The following GALNT18 variants were observed in gnomAD, a reference collection of about 807,000 sequenced individuals.
The protein encoded by GALNT18 is polypeptide N-acetylgalactosaminyltransferase 18.
GALNT18 carries 44 observed loss-of-function variants against 69.5 expected under a neutral mutation model. That is an observed-to-expected ratio of 0.63 (90% CI 0.50 to 0.81). The LOEUF (loss-of-function observed/expected upper bound fraction) is 0.81. Ranked by LOEUF, GALNT18 falls within the 40% of genes least tolerant of loss-of-function variation. GALNT18 has a pLI of 0.00. For synonymous variants in GALNT18, 364 were observed against 318.2 expected (o/e 1.14, Z -1.53); for missense variants, 715 against 810.0 (o/e 0.88, Z 1.42).
At chr11:11,567,754 C>T (rs544102844) in intron 1 of GALNT18, among the ~76,000 whole-genome samples, 62 of 152,356 alleles carry the variant, frequency 4.1e-4, no homozygotes, top group African/African-American at 1.4e-3. Flanking sequence ...ATCTGACTTT[C>T]TCAATGTCTC....
chr11:11,597,988 T>TC (rs143090536), intron 1 of GALNT18, among the ~76,000 whole-genome samples: 1,883 of 152,264 alleles, frequency 0.012, 47 homozygotes, highest in African/African-American at 0.043. Context: ...TTTGCCTTTG[T>TC]CAGTCTATCT....
intron 1 of GALNT18, among the ~76,000 whole-genome samples, chr11:11,464,994 G>A (rs1359911852): frequency 2.0e-5 from 3 of 152,150 alleles, no homozygotes; most frequent in African/African-American, 7.2e-5. Context: ...ATGGAATTAC[G>A]AGCAGTGGGG....
At chr11:11,342,065 C>T (rs1057298663) in intron 6 of GALNT18, among the ~76,000 whole-genome samples, 1 of 152,064 alleles carries the variant, frequency 6.6e-6, no homozygotes, top group Non-Finnish European at 1.5e-5. Context: ...CTCCTCTGGC[C>T]CCCACAGCCC....
chr11:11,446,719 C>T (rs573590306), intron 2 of GALNT18, among the ~76,000 whole-genome samples: 4 of 152,334 alleles, frequency 2.6e-5, no homozygotes, highest in South Asian at 4.1e-4. Context: ...CCCAGCCTTG[C>T]CCCCTCGGTC....
intron 10 of GALNT18, among the ~76,000 whole-genome samples, chr11:11,281,874 G>T (rs1032463307): frequency 6.6e-6 from 1 of 151,986 alleles, no homozygotes; most frequent in East Asian, 1.9e-4. Flanking sequence ...CTGTCAGGGA[G>T]GGTGGAGTAT....
chr11:11,595,358 G>A lies in GALNT18; in HGVS notation c.235+26001C>T, dbSNP rs191798562. ...TGAGGACACAGCAAGAAGTCAGGAG[G>A]CTGCAACCCAGAAGAGAGACTTCAC... On this transcript the variant is annotated intron_variant, in intron 1 of 10. Coordinates refer to ENST00000227756, the MANE Select transcript of GALNT18 (RefSeq NM_198516.3). This position sits in a 1 kb window ranked among gnomAD's most constrained non-coding sequence, Gnocchi z 5.2. Among the ~76,000 whole-genome samples the A allele has an allele frequency of 6.6e-6, 1 of 152,218 alleles. No homozygotes were observed. Among genetic ancestry groups the A allele is most frequent in the African/African-American group, 2.4e-5 (1 of 41,548 alleles).
chr11:11,530,297 C>G (rs2133940966), intron 1 of GALNT18, among the ~76,000 whole-genome samples: 1 of 152,338 alleles, frequency 6.6e-6, no homozygotes, highest in East Asian at 1.9e-4. Context: ...CAAATGCCCT[C>G]TGTCCACAGC....
chr11:11,400,555 T>C (rs1854437233), intron 3 of GALNT18, among the ~76,000 whole-genome samples: 1 of 152,190 alleles, frequency 6.6e-6, no homozygotes, highest in South Asian at 2.1e-4. Context: ...CAGAAATTTA[T>C]TTCTCACAGT....
At position 11,598,159 on chromosome 11, in the gene GALNT18, T is replaced by C. The variant is rs980362559; in HGVS notation, c.235+23200A>G. Among the ~76,000 whole-genome samples, 18 of 152,166 alleles carry C rather than the reference T, an allele frequency of 1.2e-4. No individual in the cohort carries two copies. The highest frequency in any genetic ancestry group is 3.9e-4 in the African/African-American group (16 of 41,540). On this transcript the variant is annotated intron_variant, in intron 1 of 10. Transcript: ENST00000227756. This position sits in a 1 kb window ranked among gnomAD's most constrained non-coding sequence, Gnocchi z 4.8. The stretch of plus-strand genomic sequence containing the variant: ...CTCTTCTTTTTGCAGTTTCTTAAGG[T>C]TGCAGTAATCTATAACAAATTACTA...
intron 3 of GALNT18, among the ~76,000 whole-genome samples, chr11:11,428,645 G>A (rs544834143): frequency 6.6e-6 from 1 of 152,314 alleles, no homozygotes; most frequent in South Asian, 2.1e-4. Flanking sequence ...GGCCTCAGGT[G>A]CCCACCTCCC....
rs1033400343 is a variant in GALNT18, at chr11:11,603,420, G to T, written c.235+17939C>A. Among the ~76,000 whole-genome samples the T allele has an allele frequency of 1.3e-5, 2 of 152,106 alleles. No individual in the cohort carries two copies. The highest frequency in any genetic ancestry group is 4.8e-5 in the African/African-American group (2 of 41,406). On this transcript the variant is annotated intron_variant, in intron 1 of 10. Coordinates refer to ENST00000227756, the MANE Select transcript of GALNT18 (RefSeq NM_198516.3). The surrounding 1 kb of genome is among the most constrained non-coding windows in gnomAD (Gnocchi z 4.5). ...CTGCCAAAGGTGGGGGAATGTATAG[G>T]GCTTTCTCTGAGACTTCATTCCCAT...
chr11:11,271,352 GC>G, intron 10 of GALNT18, 62 bp from the exon 11 acceptor site: 1 of 1,559,482 alleles, frequency 6.4e-7, no homozygotes, highest in South Asian at 1.1e-5. Flanking sequence ...AAATTCGGGA[GC>G]CTCAGGCCAA....
rs185542290 is a variant in GALNT18 at position 11,536,122 on chromosome 11, A to C, written c.235+85237T>G. On this transcript the variant is annotated intron_variant, in intron 1 of 10. Transcript: ENST00000227756. ...GACTATAGTTTTAAGGGGCCTGTACAGGAAATGACATGAAATTATCAAGAC... is the reference window on the plus strand; with the variant it reads ...GACTATAGTTTTAAGGGGCCTGTACCGGAAATGACATGAAATTATCAAGAC... Among the ~76,000 whole-genome samples the C allele has an allele frequency of 2.4e-4, 36 of 152,356 alleles. No individual in the cohort carries two copies. The Middle Eastern group carries it at 0.014, about 58-fold the overall frequency.
rs771342075 is a variant in GALNT18 at position 11,341,745 on chromosome 11, T to C, written c.1093-741A>G. Among the ~76,000 whole-genome samples the C allele has an allele frequency of 1.3e-5, 2 of 152,164 alleles. No individual in the cohort carries two copies. The highest frequency in any genetic ancestry group is 2.9e-5 in the Non-Finnish European group (2 of 68,028). Reference sequence around the variant, plus strand: ...CTGAACTTGCACTCTTTTGTGCTTCTAGGCTTTGCTCCATTCTGCTGGTAA... The same window carrying C: ...CTGAACTTGCACTCTTTTGTGCTTCCAGGCTTTGCTCCATTCTGCTGGTAA... On this transcript the variant is annotated intron_variant, in intron 6 of 10. Coordinates refer to ENST00000227756, the MANE Select transcript of GALNT18 (RefSeq NM_198516.3). This position sits in a 1 kb window ranked among gnomAD's most constrained non-coding sequence, Gnocchi z 6.3.
At chr11:11,484,545 A>G (rs2133874682) in intron 1 of GALNT18, among the ~76,000 whole-genome samples, 1 of 148,170 alleles carries the variant, frequency 6.7e-6, no homozygotes, top group East Asian at 2.0e-4. Flanking sequence ...GTGAGCCGAG[A>G]TCACGCCATT....
chr11:11,271,229 A>C lies in GALNT18; in HGVS notation c.1739T>G (p.Leu580Arg). The change falls in exon 11 of 11, where the codon CTG (leucine) becomes CGG (arginine). Residue 580 changes from leucine (L) to arginine (R), a missense_variant. Physicochemically the swap from Leu to Arg is moderately radical, Grantham distance 102. Transcript: ENST00000227756. ...CAACACCAGCTGGAAGCCGAACTCC[A>C]GGTCGCTATTCTCCTGCAGCTCCAG... ...RCLELQENSD[L>R]EFGFQLVLQK... is the part of the protein sequence containing the mutation. The C allele has an allele frequency of 6.2e-7, 1 of 1,614,148 alleles. No individual in the cohort carries two copies. Among genetic ancestry groups the C allele is most frequent in the South Asian group, 1.1e-5 (1 of 91,084 alleles).
intron 3 of GALNT18, among the ~76,000 whole-genome samples, chr11:11,428,122 C>G (rs1041652329): frequency 6.6e-6 from 1 of 152,236 alleles, no homozygotes; most frequent in Non-Finnish European, 1.5e-5. Flanking sequence ...CTGAGTTGGC[C>G]TGATTTGAAA....
chr11:11,369,602 C>A (rs1331861481), intron 6 of GALNT18, among the ~76,000 whole-genome samples: 1 of 152,150 alleles, frequency 6.6e-6, no homozygotes, highest in Middle Eastern at 3.2e-3. Flanking sequence ...GCTGGGGGCA[C>A]TCAATTCAAA....
intron 1 of GALNT18, among the ~76,000 whole-genome samples, chr11:11,599,144 T>C (rs72853871): frequency 0.025 from 3,806 of 152,276 alleles, 79 homozygotes; most frequent in Middle Eastern, 0.041. Flanking sequence ...TTCTATATCA[T>C]CATTAGTACA....
Sources: gnomAD v4.1 joint callset for allele counts (sites outside exome capture counted in the v4.1 genomes callset) on GRCh38, gnomAD v4.1.1 for gene constraint, Gnocchi (gnomAD v3.1) non-coding constraint, MANE v1.5 for transcripts, NCBI Gene and HGNC (gene_info 2026-07-23, HGNC 2026-07-21) for gene names.